BRWD1: variants seen among roughly 807,000 people sequenced by gnomAD.
BRWD1 encodes bromodomain and WD repeat-containing protein 1.
In BRWD1, 82 loss-of-function variants were observed where a neutral mutation model predicts 251.2. The observed-to-expected ratio is 0.33, with a 90% CI of 0.27 to 0.39. The LOEUF (loss-of-function observed/expected upper bound fraction) is 0.39. Among genes scored for constraint, BRWD1 ranks in the 10% least tolerant of loss-of-function variants. The pLI is 1.00. For synonymous variants in BRWD1, 918 were observed against 902.8 expected (o/e 1.02, Z -0.30); for missense variants, 2,233 against 2,711.6 (o/e 0.82, Z 3.92).
At chr21:39,209,377 C>T (rs1473925720) in intron 36 of BRWD1, among the ~76,000 whole-genome samples, 2 of 151,442 alleles carry the variant, frequency 1.3e-5, no homozygotes, top group Admixed American at 1.3e-4. Flanking sequence ...TAGGAGTCAA[C>T]TTTCAATATA....
chr21:39,243,051 T>C (rs2034056548), intron 21 of BRWD1, among the ~76,000 whole-genome samples: 1 of 152,078 alleles, frequency 6.6e-6, no homozygotes, highest in South Asian at 2.1e-4. Flanking sequence ...AAGGAGTAAA[T>C]CCAACAATCA....
rs2031340178 is a variant in BRWD1 at position 39,187,973 on chromosome 21, T to C, written c.*8286A>G. On this transcript the variant is annotated 3_prime_UTR_variant, in exon 41 of 41. Coordinates refer to ENST00000342449, the MANE Select transcript of BRWD1 (RefSeq NM_033656.4). ...GGGATTTGCCAGACAAAAAGCACTT[T>C]GGAGAGTTAACTACTTCATGCAGAC... 3.0e-6 allele frequency: 3 copies of C among 985,290 alleles called. No homozygotes were observed. Among genetic ancestry groups the C allele is most frequent in the Admixed American group, 6.1e-5 (1 of 16,280 alleles). 61.0% of individuals were successfully genotyped at this position (985,290 alleles called of 1,614,324 possible).
chr21:39,313,648 CG>C (rs1481534556), upstream of BRWD1: 3 of 486,706 alleles, frequency 6.2e-6, no homozygotes, highest in Non-Finnish European at 6.4e-6. Flanking sequence ...GACGCCTCCG[CG>C]GGGGAGGAAG....
At position 39,195,153 on chromosome 21, in the gene BRWD1, AT is replaced by A; in HGVS notation, c.*1105del. Reference sequence around the variant, plus strand: ...GACTAGAAGTCACTAATAAAGATACATTTAGTTGCCCCAGCAAAGAATGCTT... The same window carrying A: ...GACTAGAAGTCACTAATAAAGATACATTAGTTGCCCCAGCAAAGAATGCTT... On this transcript the variant is annotated 3_prime_UTR_variant, in exon 41 of 41. Transcript: ENST00000342449. The A allele has an allele frequency of 9.2e-7, 1 of 1,090,928 alleles. No homozygotes were observed. The highest frequency in any genetic ancestry group is 1.1e-6 in the Non-Finnish European group (1 of 896,528). 67.6% of individuals were successfully genotyped at this position (1,090,928 alleles called of 1,614,324 possible). A position where few individuals can be genotyped will look rare whatever the true frequency, so the allele number is the denominator to read the frequency against.
In BRWD1 at chr21:39,190,320, A is replaced by G. The variant is rs2031487000; in HGVS notation, c.*5939T>C. The G allele has an allele frequency of 1.0e-6, 1 of 984,692 alleles. No individual in the cohort carries two copies. The highest frequency in any genetic ancestry group is 1.2e-6 in the Non-Finnish European group (1 of 829,400). 61.0% of individuals were successfully genotyped at this position (984,692 alleles called of 1,614,324 possible). On this transcript the variant is annotated 3_prime_UTR_variant, in exon 41 of 41. Coordinates refer to ENST00000342449, the MANE Select transcript of BRWD1 (RefSeq NM_033656.4). ...TTTTCCTAAATTCAAAGTAAACTGC[A>G]TATGGTTACTACAGAAGCATTATAA... is the stretch of plus-strand genomic sequence containing the variant.
intron 21 of BRWD1, among the ~76,000 whole-genome samples, chr21:39,241,514 A>G (rs971841829): frequency 5.1e-5 from 6 of 117,938 alleles, no homozygotes; most frequent in African/African-American, 1.9e-4. Context: ...AAAAAAAAAA[A>G]AGATTTAAAA....
Position 39,187,457 on chromosome 21 carries a change from T to C in BRWD1, c.*8802A>G, listed in dbSNP as rs1238734071. On this transcript the variant is annotated 3_prime_UTR_variant, in exon 41 of 41. Coordinates refer to ENST00000342449, the MANE Select transcript of BRWD1 (RefSeq NM_033656.4). ...AAAGTTCATGTAAATGCAAAAATCTTGTAACACAAGATTTTACTACTGCTA... is the reference window on the plus strand; with the variant it reads ...AAAGTTCATGTAAATGCAAAAATCTCGTAACACAAGATTTTACTACTGCTA... The C allele has an allele frequency of 3.3e-6, 5 of 1,516,370 alleles. No homozygotes were observed. The highest frequency in any genetic ancestry group is 4.4e-6 in the Non-Finnish European group (5 of 1,136,298). The allele number at this position is 1,516,370 out of a possible 1,614,324, so 93.9% of individuals were successfully genotyped here. A position where few individuals can be genotyped will look rare whatever the true frequency, so the allele number is the denominator to read the frequency against.
rs2035279519 is a variant in BRWD1 at position 39,276,296 on chromosome 21, G to A, written c.1105-83C>T. 5 of 1,293,974 alleles carry A rather than the reference G, an allele frequency of 3.9e-6. No homozygotes were observed. The African/African-American group carries it at 7.5e-5, about 20-fold the overall frequency. 80.2% of individuals were successfully genotyped at this position (1,293,974 alleles called of 1,614,324 possible). A position where few individuals can be genotyped will look rare whatever the true frequency, so the allele number is the denominator to read the frequency against. The stretch of plus-strand genomic sequence containing the variant: ...AAAAAATGAAGTTTTAATGCTAGAA[G>A]CCTATTTGCTTTAACAAGCAAAATT... On this transcript the variant is annotated intron_variant, in intron 11 of 40. Coordinates refer to ENST00000342449, the MANE Select transcript of BRWD1 (RefSeq NM_033656.4).
chr21:39,256,637 G>A (rs569563198), intron 18 of BRWD1, among the ~76,000 whole-genome samples: 96 of 152,300 alleles, frequency 6.3e-4, no homozygotes, highest in African/African-American at 1.9e-3. Context: ...AGGAGGCTGC[G>A]CAACCTCCCA....
Position 39,236,665 on chromosome 21 carries a change from A to AT in BRWD1, c.2695dup (p.Ile899AsnfsTer4). On this transcript the variant is annotated frameshift_variant, in exon 23 of 41. Transcript: ENST00000342449. LOFTEE classifies it high-confidence loss of function. ...TGGAGGAGATAAATTCTCAGTAGAT[A>AT]TTTCATCTTCTGAACTACTACAAAA... 1 of 1,613,504 alleles carries AT rather than the reference A, an allele frequency of 6.2e-7. No homozygotes were observed. The highest frequency in any genetic ancestry group is 1.1e-5 in the South Asian group (1 of 91,030).
intron 31 of BRWD1, among the ~76,000 whole-genome samples, chr21:39,215,983 G>A (rs991737227): frequency 4.1e-5 from 3 of 74,044 alleles, no homozygotes; most frequent in Non-Finnish European, 8.2e-5. Flanking sequence ...CTGGGTGACA[G>A]AGCAAGACTC....
At chr21:39,276,652 TAAAAG>T (rs1160821669) in intron 11 of BRWD1, among the ~76,000 whole-genome samples, 2 of 152,146 alleles carry the variant, frequency 1.3e-5, no homozygotes, top group Non-Finnish European at 2.9e-5. Flanking sequence ...AAGCTTCAAA[TAAAAG>T]AAAAGATGGC....
At chr21:39,229,488 T>C in intron 25 of BRWD1, 52 bp from the exon 26 acceptor site, 12 of 1,500,894 alleles carry the variant, frequency 8.0e-6, no homozygotes, top group Non-Finnish European at 6.4e-6. Flanking sequence ...TCCTTAATAC[T>C]ATAATTCTCC....
At chr21:39,314,939 A>G (rs1486037186), upstream of BRWD1, 1 of 153,038 alleles carries the variant, frequency 6.5e-6, no homozygotes, top group Non-Finnish European at 1.5e-5. Context: ...GATTTAATGA[A>G]TTTGTGTTCC....
chr21:39,298,281 T>C (rs765804834), intron 5 of BRWD1, 151 bp downstream of exon 5: 23 of 1,304,732 alleles, frequency 1.8e-5, no homozygotes, highest in Non-Finnish European at 2.1e-5. Flanking sequence ...TAAAATTCAA[T>C]GTTCTATGCT....
At chr21:39,255,572 C>T (rs2034538070) in intron 19 of BRWD1, 73 bp downstream of exon 19, 1 of 1,244,726 alleles carries the variant, frequency 8.0e-7, no homozygotes, top group Non-Finnish European at 1.1e-6. Flanking sequence ...TAATGGAATA[C>T]AGAATGTGTA....
chr21:39,218,484 C>T (rs1342310587), intron 30 of BRWD1, 21 bp downstream of exon 30: 4 of 1,552,094 alleles, frequency 2.6e-6, no homozygotes, highest in Non-Finnish European at 3.5e-6. Flanking sequence ...AACTTTTCAT[C>T]CTAAAAAATA....
chr21:39,188,310 A>T lies in BRWD1; in HGVS notation c.*7949T>A, dbSNP rs1287462967. On this transcript the variant is annotated 3_prime_UTR_variant, in exon 41 of 41. Transcript: ENST00000342449. ...CAATCTTGATGGCAGTTTGTTTTGT[A>T]GGACCCTGCCTGAAGTTTCCAGACA... 3 of 985,220 alleles carry T rather than the reference A, an allele frequency of 3.0e-6. No individual in the cohort carries two copies. In the African/African-American group the frequency reaches 5.2e-5, roughly 17 times the overall value. 61.0% of individuals were successfully genotyped at this position (985,220 alleles called of 1,614,324 possible).
chr21:39,188,922 C>G lies in BRWD1; in HGVS notation c.*7337G>C. The G allele has an allele frequency of 2.0e-6, 2 of 985,342 alleles. No homozygotes were observed. The highest frequency in any genetic ancestry group is 2.4e-6 in the Non-Finnish European group (2 of 829,900). The allele number at this position is 985,342 out of a possible 1,614,324, so 61.0% of individuals were successfully genotyped here. A position where few individuals can be genotyped will look rare whatever the true frequency, so the allele number is the denominator to read the frequency against. ...CATTTTACCAGAGTAAGACACTCAT[C>G]ACGGCATTACTCTCATGCAGCATGC... On this transcript the variant is annotated 3_prime_UTR_variant, in exon 41 of 41. Transcript: ENST00000342449.
Sources: allele counts gnomAD v4.1 joint callset (sites outside exome capture counted in the v4.1 genomes callset), GRCh38; gene constraint gnomAD v4.1.1; transcripts MANE v1.5; gene names NCBI Gene and HGNC (gene_info 2026-07-23, HGNC 2026-07-21).